The following RFTN2 variants were observed in gnomAD, a reference collection of about 807,000 sequenced individuals.
RFTN2 encodes the protein raftlin-2.
A neutral mutation model predicts 52.7 loss-of-function variants in RFTN2; 34 were observed. The ratio of observed to expected loss-of-function variants is 0.64; its 90% confidence interval spans 0.49 to 0.86. The LOEUF is 0.86. RFTN2 is among the 40% of genes least tolerant of loss of function. The pLI, the probability that RFTN2 is intolerant of heterozygous loss-of-function variation, is 0.00. For missense variants in RFTN2, 536 were observed against 600.1 expected, an observed-to-expected ratio of 0.89 and a Z score of 1.12; for synonymous variants, 203 against 217.7, an observed-to-expected ratio of 0.93 and a Z score of 0.59.
At chr2:197,574,589 C>T (rs1299044947) in intron 8 of RFTN2, among the ~76,000 whole-genome samples, 1 of 152,082 alleles carries the variant, frequency 6.6e-6, no homozygotes, top group Admixed American at 6.6e-5. Flanking sequence ...GACTTTTGGC[C>T]GGGTGCAGTG....
chr2:197,594,621 T>C (rs575823946), intron 8 of RFTN2, among the ~76,000 whole-genome samples: 6 of 152,360 alleles, frequency 3.9e-5, no homozygotes, highest in African/African-American at 1.4e-4. Flanking sequence ...TGTGAGCCCC[T>C]GTGCATGGCC....
Position 197,574,068 on chromosome 2 carries a change from G to T in RFTN2, c.1234-1788C>A, listed in dbSNP as rs142571698. ...CAGTGTGGAAGGGAATTGTGGGGTG[G>T]AAACTCCCACATGGAGTCCCTACTG... On this transcript the variant is annotated intron_variant, in intron 8 of 8. Transcript: ENST00000295049. Among the ~76,000 whole-genome samples, 31 of 152,356 alleles carry T rather than the reference G, an allele frequency of 2.0e-4. No individual in the cohort carries two copies. In the East Asian group the frequency reaches 2.7e-3, roughly 13 times the overall value.
chr2:197,595,976 A>G lies in RFTN2; in HGVS notation c.1233+15T>C. 6.6e-7 allele frequency: 1 copy of G among 1,522,518 alleles called. No individual in the cohort carries two copies. Among genetic ancestry groups the G allele is most frequent in the Admixed American group, 1.7e-5 (1 of 59,212 alleles). The allele number at this position is 1,522,518 out of a possible 1,614,324, so 94.3% of individuals were successfully genotyped here. ...CAATATAACATTCAGTTAATAAAGC[A>G]TCAATTTTACTCACATCTGGTGTTT... On this transcript the variant is annotated intron_variant, in intron 8 of 8. Coordinates refer to ENST00000295049, the MANE Select transcript of RFTN2 (RefSeq NM_144629.3).
intron 1 of RFTN2, 24 bp downstream of exon 1, chr2:197,675,296 A>C (rs1559371800): frequency 6.4e-7 from 1 of 1,551,276 alleles, no homozygotes; most frequent in African/African-American, 1.4e-5. Flanking sequence ...AACATTTAAC[A>C]AACAAAATAG....
chr2:197,659,096 A>G (rs1019554036), intron 1 of RFTN2, among the ~76,000 whole-genome samples: 5 of 152,224 alleles, frequency 3.3e-5, no homozygotes, highest in Admixed American at 6.5e-5. Context: ...ACTTTGTTCA[A>G]TGCTAAAAGT....
chr2:197,663,390 T>C (rs2089005632), intron 1 of RFTN2, among the ~76,000 whole-genome samples: 1 of 152,216 alleles, frequency 6.6e-6, no homozygotes, highest in African/African-American at 2.4e-5. Context: ...GGATTGGTAT[T>C]AGATCATCTT....
chr2:197,619,795 A>T (rs565642763), intron 5 of RFTN2, among the ~76,000 whole-genome samples: 3 of 150,004 alleles, frequency 2.0e-5, no homozygotes, highest in Admixed American at 6.6e-5. Flanking sequence ...AAAAAAAAAC[A>T]TTTGTTTTGG....
intron 6 of RFTN2, among the ~76,000 whole-genome samples, chr2:197,616,544 A>G (rs1044685237): frequency 6.6e-6 from 1 of 151,884 alleles, no homozygotes; most frequent in African/African-American, 2.4e-5. Context: ...CTCCCATTTC[A>G]CCTTCCTAAA....
intron 3 of RFTN2, among the ~76,000 whole-genome samples, chr2:197,640,305 T>G (rs1409654249): frequency 6.6e-6 from 1 of 152,140 alleles, no homozygotes; most frequent in Non-Finnish European, 1.5e-5. Context: ...TAAGGAAGCC[T>G]GGGCAATGGC....
chr2:197,668,591 T>TTGTA (rs2089095316), intron 1 of RFTN2, among the ~76,000 whole-genome samples: 1 of 152,142 alleles, frequency 6.6e-6, no homozygotes, highest in African/African-American at 2.4e-5. Flanking sequence ...TGCACCTGGG[T>TTGTA]TGTACCTCAG....
intron 1 of RFTN2, among the ~76,000 whole-genome samples, chr2:197,654,998 AAAAC>A (rs547537391): frequency 7.9e-5 from 12 of 152,160 alleles, no homozygotes; most frequent in African/African-American, 1.9e-4. Flanking sequence ...TCTGTCTCAA[AAAAC>A]AAACAAACAA....
At chr2:197,632,916 G>A (rs1354132310) in intron 4 of RFTN2, among the ~76,000 whole-genome samples, 1 of 152,092 alleles carries the variant, frequency 6.6e-6, no homozygotes, top group Admixed American at 6.6e-5. Context: ...CCAGGCACTG[G>A]GTCAAACACT....
At chr2:197,583,355 A>G (rs2087541585) in intron 8 of RFTN2, among the ~76,000 whole-genome samples, 1 of 152,156 alleles carries the variant, frequency 6.6e-6, no homozygotes, top group Non-Finnish European at 1.5e-5. Context: ...GGTCTTTCCC[A>G]CAGGGTCTGA....
intron 5 of RFTN2, among the ~76,000 whole-genome samples, chr2:197,624,827 T>C (rs1042458193): frequency 1.3e-5 from 2 of 151,988 alleles, no homozygotes; most frequent in African/African-American, 2.4e-5. Flanking sequence ...GTGCACACCT[T>C]GGTCCCAGCT....
At chr2:197,618,246 T>A (rs573801263) in intron 5 of RFTN2, among the ~76,000 whole-genome samples, 3 of 152,188 alleles carry the variant, frequency 2.0e-5, no homozygotes, top group Admixed American at 2.0e-4. Context: ...CCGCCACGCC[T>A]GACTGGTTTT....
intron 5 of RFTN2, among the ~76,000 whole-genome samples, chr2:197,622,011 G>A (rs1381295953): frequency 6.6e-6 from 1 of 152,132 alleles, no homozygotes. Flanking sequence ...TTAGTGGTCT[G>A]GATAGAAGAT....
intron 3 of RFTN2, among the ~76,000 whole-genome samples, chr2:197,638,257 G>T (rs1427730678): frequency 9.7e-6 from 1 of 103,156 alleles, no homozygotes; most frequent in African/African-American, 3.1e-5. Flanking sequence ...TATTAGATCC[G>T]CTTGGTGCAG....
intron 8 of RFTN2, among the ~76,000 whole-genome samples, chr2:197,587,159 C>T (rs917746135): frequency 6.6e-6 from 1 of 152,084 alleles, no homozygotes; most frequent in Non-Finnish European, 1.5e-5. Context: ...AACAACCCCA[C>T]AATATTGCCC....
intron 1 of RFTN2, among the ~76,000 whole-genome samples, chr2:197,647,315 C>T (rs1019761625): frequency 2.0e-5 from 3 of 152,164 alleles, no homozygotes; most frequent in Non-Finnish European, 4.4e-5. Context: ...CCCCACCTCC[C>T]GGGCTCACAC....
Sources: allele counts gnomAD v4.1 joint callset (sites outside exome capture counted in the v4.1 genomes callset), GRCh38; gene constraint gnomAD v4.1.1; transcripts MANE v1.5; gene names NCBI Gene and HGNC (gene_info 2026-07-23, HGNC 2026-07-21).